Variants in C9 observed in about 807,000 individuals in gnomAD.
C9 encodes complement C9, also known as complement component C9.
Under a neutral mutation model 65.4 loss-of-function variants are expected in C9, and 63 were observed. The observed-to-expected ratio is 0.96, with a 90% confidence interval of 0.79 to 1.19. C9 has a LOEUF of 1.19. Among genes scored for constraint, C9 ranks in the 50% most tolerant of loss-of-function variants. The pLI is 0.00. For synonymous variants in C9, 229 were observed against 227.9 expected (o/e 1.00, Z -0.04); for missense variants, 744 against 670.1 (o/e 1.11, Z -1.22).
intron 9 of C9, among the ~76,000 whole-genome samples, chr5:39,297,889 C>T (rs1203996816): frequency 6.6e-6 from 1 of 151,628 alleles, no homozygotes. Context: ...CAGCAGAATA[C>T]ATATTCTTTT....
At position 39,311,281 on chromosome 5, in the gene C9, T is replaced by C; in HGVS notation, c.967A>G (p.Ile323Val). 6.2e-7 allele frequency: 1 copy of C among 1,613,862 alleles called. No homozygotes were observed. The highest frequency in any genetic ancestry group is 8.5e-7 in the Non-Finnish European group (1 of 1,179,798). Residue 323 changes from isoleucine to valine, a missense_variant, in exon 7 of 11, where the codon ATA (isoleucine) becomes GTA (valine). Ile to Val is a conservative substitution (Grantham distance 29, BLOSUM62 3). Coordinates refer to ENST00000263408, the MANE Select transcript of C9 (RefSeq NM_001737.5). ...TCATAGGTAGTTGGCAAAGCTTTTATATCATCCACAAAAGTTGTTGTGAGC... is the reference window on the plus strand; with the variant it reads ...TCATAGGTAGTTGGCAAAGCTTTTACATCATCCACAAAAGTTGTTGTGAGC... Reference protein sequence around the residue: ...VVLTTTFVDDIKALPTTYEKG... With the variant: ...VVLTTTFVDDVKALPTTYEKG...
intron 1 of C9, among the ~76,000 whole-genome samples, chr5:39,343,595 G>A (rs559825331): frequency 1.3e-5 from 2 of 152,322 alleles, no homozygotes; most frequent in East Asian, 3.9e-4. Context: ...TCCACCTCTG[G>A]GGGTAGGGCA....
At chr5:39,343,250 C>G (rs1185721304) in intron 1 of C9, among the ~76,000 whole-genome samples, 1 of 152,176 alleles carries the variant, frequency 6.6e-6, no homozygotes, top group African/African-American at 2.4e-5. Context: ...CCGGGAAGTG[C>G]AAGGGGTCAG....
chr5:39,343,798 C>G (rs1754136552), intron 1 of C9, among the ~76,000 whole-genome samples: 1 of 152,148 alleles, frequency 6.6e-6, no homozygotes, highest in African/African-American at 2.4e-5. Flanking sequence ...TGACACCTCA[C>G]ATGGCTGGGT....
rs188200607 is a variant in C9 at position 39,285,508 on chromosome 5, T to C, written c.1646-275A>G. 3.4e-4 allele frequency among the ~76,000 whole-genome samples: 51 copies of C among 152,086 alleles called. No homozygotes were observed. In the East Asian group the frequency reaches 9.3e-3, roughly 28 times the overall value. ...GATAGAGAACTGATTCCTGGAGAAA[T>C]TGGAGAAGGTTTCATCAAAGATATG... On this transcript the variant is annotated intron_variant, in intron 10 of 10. Coordinates refer to ENST00000263408, the MANE Select transcript of C9 (RefSeq NM_001737.5).
chr5:39,291,216 T>C (rs1753087204), intron 9 of C9, among the ~76,000 whole-genome samples: 1 of 151,502 alleles, frequency 6.6e-6, no homozygotes, highest in African/African-American at 2.4e-5. Context: ...AAGAGACAAG[T>C]CTGAAAATTT....
intron 9 of C9, among the ~76,000 whole-genome samples, chr5:39,305,155 G>A (rs1009702668): frequency 2.0e-5 from 3 of 151,968 alleles, no homozygotes; most frequent in Non-Finnish European, 4.4e-5. Flanking sequence ...ATGAATTTGT[G>A]TTAGATTTAA....
intron 1 of C9, among the ~76,000 whole-genome samples, chr5:39,363,547 C>T (rs771660595): frequency 3.9e-5 from 6 of 152,170 alleles, no homozygotes; most frequent in African/African-American, 1.2e-4. Context: ...GCAGACATTT[C>T]CCCCCAGCCA....
chr5:39,333,168 C>A (rs999271959), intron 4 of C9, among the ~76,000 whole-genome samples: 7 of 125,950 alleles, frequency 5.6e-5, no homozygotes, highest in Non-Finnish European at 9.9e-5. Flanking sequence ...TTTTTTTAAA[C>A]ACCTTATTCC....
In C9 at chr5:39,288,909, C is replaced by A; in HGVS notation, c.1459G>T (p.Ala487Ser). Residue 487 changes from alanine (A) to serine (S), a missense_variant, in exon 10 of 11, where the codon GCA (alanine) becomes TCA (serine). Ala to Ser is a moderately conservative substitution (Grantham distance 99). Transcript: ENST00000263408. Reference protein sequence around the residue: ...YNLVPVKMKNAHLKKQNLERA... With the variant: ...YNLVPVKMKNSHLKKQNLERA... Reference sequence around the variant, plus strand: ...TCCAAGTTTTGTTTCTTTAGGTGTGCATTTTTCATTTTCACTGGAACCAGA... The same window carrying A: ...TCCAAGTTTTGTTTCTTTAGGTGTGAATTTTTCATTTTCACTGGAACCAGA... 1 of 1,610,522 alleles carries A rather than the reference C, an allele frequency of 6.2e-7. No individual in the cohort carries two copies. The highest frequency in any genetic ancestry group is 1.1e-5 in the South Asian group (1 of 90,986).
chr5:39,307,732 G>T (rs1753406349), intron 8 of C9, among the ~76,000 whole-genome samples: 1 of 152,124 alleles, frequency 6.6e-6, no homozygotes, highest in African/African-American at 2.4e-5. Context: ...TTAACAGTAG[G>T]AAGTAATATT....
At chr5:39,339,901 C>G (rs376902460) in intron 4 of C9, among the ~76,000 whole-genome samples, 1 of 151,902 alleles carries the variant, frequency 6.6e-6, no homozygotes, top group South Asian at 2.1e-4. Context: ...CTTCGTGATC[C>G]GCCCGCCTCG....
chr5:39,345,859 A>T lies in C9; in HGVS notation c.78-3663T>A, dbSNP rs977265607. The stretch of plus-strand genomic sequence containing the variant: ...TGCAATCCAACTAGAACTCAGGAAT[A>T]AGAAGCTCATTCAAAACCACTCAAC... On this transcript the variant is annotated intron_variant, in intron 1 of 10. Transcript: ENST00000263408. Among the ~76,000 whole-genome samples the T allele has an allele frequency of 3.0e-4, 45 of 152,228 alleles. 1 individual carries two copies. Among genetic ancestry groups the T allele is most frequent in the Non-Finnish European group, 5.9e-5 (4 of 68,040 alleles).
At chr5:39,343,299 A>G (rs766786524) in intron 1 of C9, among the ~76,000 whole-genome samples, 2 of 152,170 alleles carry the variant, frequency 1.3e-5, no homozygotes, top group Non-Finnish European at 2.9e-5. Flanking sequence ...GGTGACAGAC[A>G]GCACCTGGAA....
At position 39,315,277 on chromosome 5, in the gene C9, T is replaced by C. The variant is rs973643326; in HGVS notation, c.870+498A>G. The stretch of plus-strand genomic sequence containing the variant: ...AAGAGTGGTAGAACAAACTTCAAAA[T>C]CTGGTTCAAATATTTTAAAAATCAC... On this transcript the variant is annotated intron_variant, in intron 6 of 10. Transcript: ENST00000263408. Among the ~76,000 whole-genome samples the C allele has an allele frequency of 3.9e-5, 6 of 152,244 alleles. No individual in the cohort carries two copies. In the South Asian group the frequency reaches 1.2e-3, roughly 32 times the overall value.
chr5:39,322,429 C>A (rs931689653), intron 5 of C9, among the ~76,000 whole-genome samples: 12 of 151,794 alleles, frequency 7.9e-5, no homozygotes, highest in African/African-American at 2.9e-4. Flanking sequence ...GAACTAAAAA[C>A]TGAAGGGCAA....
chr5:39,301,654 G>T (rs918775790), intron 9 of C9, among the ~76,000 whole-genome samples: 1 of 151,948 alleles, frequency 6.6e-6, no homozygotes, highest in Non-Finnish European at 1.5e-5. Flanking sequence ...GTGTAATTTT[G>T]CTGTGTCTAA....
rs1753560874 is a variant in C9 at position 39,315,886 on chromosome 5, T to C, written c.759A>G (p.Gln253=). Residue 253 remains glutamine (Q), a synonymous_variant, in exon 6 of 11, where the codon CAA becomes CAG. Transcript: ENST00000263408. ...FTPTETNKAE[Q]CCEETASSIS... is the part of the protein sequence containing the mutation. ...TTGAGGAGGCTGTTTCCTCACAACATTGTTCAGCTTTATTTGTTTCAGTGG... is the reference window on the plus strand; with the variant it reads ...TTGAGGAGGCTGTTTCCTCACAACACTGTTCAGCTTTATTTGTTTCAGTGG... The C allele has an allele frequency of 1.9e-6, 3 of 1,613,564 alleles. No homozygotes were observed. The highest frequency in any genetic ancestry group is 1.1e-5 in the South Asian group (1 of 91,062).
intron 6 of C9, among the ~76,000 whole-genome samples, chr5:39,312,618 C>T (rs892405169): frequency 2.0e-5 from 3 of 152,058 alleles, no homozygotes; most frequent in African/African-American, 7.2e-5. Flanking sequence ...GCTTACCTTT[C>T]CCGGAGAAAA....
Sources: gnomAD v4.1 joint callset for allele counts (sites outside exome capture counted in the v4.1 genomes callset) on GRCh38, gnomAD v4.1.1 for gene constraint, MANE v1.5 for transcripts, NCBI Gene and HGNC (gene_info 2026-07-23, HGNC 2026-07-21) for gene names.